MXRA5: variants seen among roughly 807,000 people sequenced by gnomAD.
The protein encoded by MXRA5 is matrix-remodeling-associated protein 5.
MXRA5 carries 41 observed loss-of-function variants against 112.5 expected under a neutral mutation model. The ratio of observed to expected loss-of-function variants is 0.36; its 90% CI spans 0.28 to 0.47. MXRA5 has a LOEUF of 0.47. MXRA5 is among the 20% of genes least tolerant of loss of function. The probability of loss-of-function intolerance (pLI) is 0.99; values close to 1 mark genes in which losing one functional copy is unlikely to be tolerated. For missense variants in MXRA5, 2,150 were observed against 2,251.0 expected, an observed-to-expected ratio of 0.96 and a Z score of 0.91; for synonymous variants, 862 against 900.8, an observed-to-expected ratio of 0.96 and a Z score of 0.77.
chrX:3,330,546 G>T, intron 3 of MXRA5, 98 bp downstream of exon 3: 2 of 1,132,824 alleles, frequency 1.8e-6, no homozygotes, highest in Non-Finnish European at 1.2e-6. Context: ...AACAATAGCC[G>T]TTTTATTGAT....
intron 2 of MXRA5, among the ~76,000 whole-genome samples, chrX:3,341,283 T>G (rs1382127955): frequency 2.1e-5 from 1 of 48,188 alleles, no homozygotes; most frequent in Admixed American, 4.2e-4. Context: ...TAATATATAA[T>G]TAATATATAT....
At chrX:3,325,805 C>A (rs1170031811) in intron 4 of MXRA5, among the ~76,000 whole-genome samples, 6 of 76,922 alleles carry the variant, frequency 7.8e-5, no homozygotes, top group Non-Finnish European at 1.5e-4. Flanking sequence ...TATAGATGTA[C>A]ATATATTTAT....
chrX:3,316,015 GTATTTGTTCTGGATCCGAGT>G (rs1921108871), intron 6 of MXRA5, among the ~76,000 whole-genome samples: 1 of 18,471 alleles, frequency 5.4e-5, no homozygotes. Flanking sequence ...AAGAAGTTGA[GTATTTGTTCTGGATCCGAGT>G]TTAGAGGGAC....
At position 3,317,765 on chromosome X, in the gene MXRA5, A is replaced by G. The variant is rs141436782; in HGVS notation, c.5916T>C (p.Cys1972=). The change falls in exon 6 of 7, where the codon TGT becomes TGC. Residue 1972 remains cysteine (C), a synonymous_variant. Transcript: ENST00000217939. ...GGGGGGCTGGGGTCCCTTTGGCCAG[A>G]CACTCCATTGCAATGGTGTCTCCCA... ...VYLGDTIAME[C]LAKGTPAPQI... is the part of the protein sequence containing the mutation. 377 of 1,207,330 alleles carry G rather than the reference A, an allele frequency of 3.1e-4. No individual in the cohort carries two copies. The highest frequency in any genetic ancestry group is 4.0e-4 in the Non-Finnish European group (359 of 893,642).
Position 3,317,447 on chromosome X carries a change from G to C in MXRA5, c.6234C>G (p.Ser2078Arg). ...TACCGTCCCCGAGCACCCAGCGCAC[G>C]CTGGGCAGGGGCGCAGCCTTGGCAG... is the stretch of plus-strand genomic sequence containing the variant. ...HCTAKAAPLP[S>R]VRWVLGDGTQ... The change falls in exon 6 of 7, where the codon AGC becomes AGG. Residue 2078 changes from serine (S) to arginine (R), a missense_variant. Ser to Arg is a moderately radical substitution (Grantham distance 110, BLOSUM62 -1). Coordinates refer to ENST00000217939, the MANE Select transcript of MXRA5 (RefSeq NM_015419.4). 3 of 1,196,891 alleles carry C rather than the reference G, an allele frequency of 2.5e-6. No individual in the cohort carries two copies. The African/African-American group carries it at 5.2e-5, about 21-fold the overall frequency.
In MXRA5 at chrX:3,330,629, A is replaced by C; in HGVS notation, c.318+15T>G. ...GGATGCAATTTAGTGACGCTTATAA[A>C]TGCCGTGGGTTTACCTGAAGAGAGC... is the stretch of plus-strand genomic sequence containing the variant. On this transcript the variant is annotated intron_variant, in intron 3 of 6. Transcript: ENST00000217939. 8.3e-7 allele frequency: 1 copy of C among 1,203,801 alleles called. No homozygotes were observed. Among genetic ancestry groups the C allele is most frequent in the Non-Finnish European group, 1.1e-6 (1 of 893,069 alleles).
chrX:3,337,175 G>T (rs1034004376), intron 2 of MXRA5, among the ~76,000 whole-genome samples: 2 of 111,999 alleles, frequency 1.8e-5, no homozygotes, highest in African/African-American at 6.5e-5. Context: ...GGACGTTTGG[G>T]CATGGCCTCA....
At chrX:3,338,632 A>G (rs771644201) in intron 2 of MXRA5, among the ~76,000 whole-genome samples, 1 of 109,932 alleles carries the variant, frequency 9.1e-6, no homozygotes, top group South Asian at 3.9e-4. Context: ...AGATTAATAG[A>G]TGATAGACAG....
intron 6 of MXRA5, among the ~76,000 whole-genome samples, chrX:3,314,594 G>A (rs113683069): frequency 1.2e-4 from 13 of 111,668 alleles, no homozygotes; most frequent in African/African-American, 4.2e-4. Context: ...AGATAGACAT[G>A]GATGGATGGA....
intron 2 of MXRA5, among the ~76,000 whole-genome samples, chrX:3,338,316 T>C (rs1213403755): frequency 8.9e-6 from 1 of 111,836 alleles, no homozygotes; most frequent in Non-Finnish European, 1.9e-5. Context: ...TCATCCATTG[T>C]TGATAACTAT....
Position 3,314,303 on chromosome X carries a change from G to A in MXRA5, c.6579-2679C>T, listed in dbSNP as rs187177566. ...AGATTCTCTGTGATGGGGCCATCCTGTGAACTGTAGGGTGTTGAGCAGTGT... is the reference window on the plus strand; with the variant it reads ...AGATTCTCTGTGATGGGGCCATCCTATGAACTGTAGGGTGTTGAGCAGTGT... On this transcript the variant is annotated intron_variant, in intron 6 of 6. Coordinates refer to ENST00000217939, the MANE Select transcript of MXRA5 (RefSeq NM_015419.4). 6.2e-3 allele frequency among the ~76,000 whole-genome samples: 699 copies of A among 112,341 alleles called. 4 individuals carry two copies. Among genetic ancestry groups the A allele is most frequent in the Non-Finnish European group, 9.9e-3 (530 of 53,270 alleles).
At chrX:3,333,873 A>G (rs992344451) in intron 2 of MXRA5, among the ~76,000 whole-genome samples, 10 of 111,741 alleles carry the variant, frequency 8.9e-5, no homozygotes, top group African/African-American at 2.9e-4. Flanking sequence ...TTTCCTGCAG[A>G]GTATAATAAA....
chrX:3,328,801 G>A (rs1921572869), intron 4 of MXRA5, among the ~76,000 whole-genome samples: 2 of 103,396 alleles, frequency 1.9e-5, no homozygotes, highest in Admixed American at 1.1e-4. Flanking sequence ...AGTGAAGGGG[G>A]GAGGAATGGA....
At chrX:3,326,283 C>A (rs1921504629) in intron 4 of MXRA5, among the ~76,000 whole-genome samples, 1 of 7,227 alleles carries the variant, frequency 1.4e-4, no homozygotes. Flanking sequence ...TTATAACTCT[C>A]TATATATTTA....
At position 3,317,393 on chromosome X, in the gene MXRA5, G is replaced by C. The variant is rs764679864; in HGVS notation, c.6288C>G (p.His2096Gln). The C allele has an allele frequency of 1.7e-6, 2 of 1,208,316 alleles. No individual in the cohort carries two copies. The highest frequency in any genetic ancestry group is 2.2e-6 in the Non-Finnish European group (2 of 894,125). The change falls in exon 6 of 7, where the codon CAC becomes CAG. Residue 2096 changes from histidine (H) to glutamine (Q), a missense_variant. Transcript: ENST00000217939. ...GTQIRPSQFLHGNLFVFPNGT... is the reference protein window; with the variant it reads ...GTQIRPSQFLQGNLFVFPNGT... ...CGTTGGGGAAAACAAACAAGTTCCCGTGGAGGAACTGCGAGGGGCGGATCT... is the reference window on the plus strand; with the variant it reads ...CGTTGGGGAAAACAAACAAGTTCCCCTGGAGGAACTGCGAGGGGCGGATCT...
In MXRA5 at chrX:3,329,906, CGAAGCTCAGATTTCATT is replaced by C. The variant is rs968646278; in HGVS notation, c.709+95_709+111del. ...AGCTGATTGGGTGCTCAGATTTCAT[CGAAGCTCAGATTTCATT>C]GAATAAGTCAATATAAGAACCTTGG... On this transcript the variant is annotated intron_variant, in intron 4 of 6. Transcript: ENST00000217939. The C allele has an allele frequency of 1.1e-5, 10 of 928,573 alleles. No homozygotes were observed. The African/African-American group carries it at 2.0e-4, about 19-fold the overall frequency. The allele number at this position is 928,573 out of a possible 1,213,427, so 76.5% of individuals were successfully genotyped here.
At chrX:3,333,113 G>T (rs1184292685) in intron 2 of MXRA5, among the ~76,000 whole-genome samples, 1 of 108,224 alleles carries the variant, frequency 9.2e-6, no homozygotes, top group East Asian at 2.9e-4. Flanking sequence ...GACCAGCCTG[G>T]GCAACATAGT....
chrX:3,342,932 A>G (rs1922022552), intron 2 of MXRA5, among the ~76,000 whole-genome samples: 1 of 112,527 alleles, frequency 8.9e-6, no homozygotes, highest in Admixed American at 9.4e-5. Context: ...TTTCACAAAC[A>G]CTAATTTAAT....
At position 3,330,085 on chromosome X, in the gene MXRA5, C is replaced by G; in HGVS notation, c.642G>C (p.Leu214Phe). Residue 214 changes from leucine to phenylalanine, a missense_variant, in exon 4 of 7, where the codon TTG (leucine) becomes TTC (phenylalanine). Leu to Phe is a conservative substitution (Grantham distance 22). Coordinates refer to ENST00000217939, the MANE Select transcript of MXRA5 (RefSeq NM_015419.4). Reference sequence around the variant, plus strand: ...AATCGCAGGTCCACGGATTTCCCTGCAAGTAAAGATTCTCCAGAAGCGGCA... The same window carrying G: ...AATCGCAGGTCCACGGATTTCCCTGGAAGTAAAGATTCTCCAGAAGCGGCA... ...RNMPLLENLY[L>F]QGNPWTCDCE... The G allele has an allele frequency of 8.3e-7, 1 of 1,210,796 alleles. No homozygotes were observed. The highest frequency in any genetic ancestry group is 1.1e-6 in the Non-Finnish European group (1 of 895,169).
Sources: allele counts gnomAD v4.1 joint callset (sites outside exome capture counted in the v4.1 genomes callset), GRCh38; gene constraint gnomAD v4.1.1; transcripts MANE v1.5; gene names NCBI Gene and HGNC (gene_info 2026-07-23, HGNC 2026-07-21).